TAB2: variants seen among roughly 807,000 people sequenced by gnomAD.
TAB2 encodes TGF-beta activated kinase 1 (MAP3K7) binding protein 2.
A neutral mutation model predicts 65.0 loss-of-function variants in TAB2; 3 were observed. The ratio of observed to expected loss-of-function variants is 0.05; its 90% CI spans 0.02 to 0.12. TAB2 has a LOEUF of 0.12. TAB2 is among the 10% of genes least tolerant of loss of function. The probability of loss-of-function intolerance (pLI) is 1.00; values close to 1 mark genes in which losing one functional copy is unlikely to be tolerated. For synonymous variants in TAB2, 298 were observed against 285.1 expected, an observed-to-expected ratio of 1.05 and a Z score of -0.46; for missense variants, 623 against 840.3, an observed-to-expected ratio of 0.74 and a Z score of 3.20.
rs532770730 is a variant in TAB2 at position 149,319,516 on chromosome 6, AGTTT to A, written c.-90+1502_-90+1505del. ...CTATAGGCTAAATTAGGGTACAGTT[AGTTT>A]AAGGATTCTGCTGCTTTAAAAAAAC... On this transcript the variant is annotated intron_variant, in intron 1 of 6. Transcript: ENST00000637181. 2.4e-3 allele frequency among the ~76,000 whole-genome samples: 360 copies of A among 152,354 alleles called. 2 individuals carry two copies. Among genetic ancestry groups the A allele is most frequent in the African/African-American group, 8.4e-3 (349 of 41,572 alleles).
intron 1 of TAB2, among the ~76,000 whole-genome samples, chr6:149,227,389 G>C (rs1777303618): frequency 6.6e-6 from 1 of 152,122 alleles, no homozygotes; most frequent in Non-Finnish European, 1.5e-5. Flanking sequence ...TGAAAAATCT[G>C]ACCCCTTGAT....
At chr6:149,401,171 TG>T (rs1782395931) in intron 6 of TAB2, 1 of 167,236 alleles carries the variant, frequency 6.0e-6, no homozygotes, top group African/African-American at 2.4e-5. Flanking sequence ...TAGGGCAATC[TG>T]TCTTTAAGTA....
intron 1 of TAB2, among the ~76,000 whole-genome samples, chr6:149,234,473 T>C (rs1296009686): frequency 6.6e-6 from 1 of 152,112 alleles, no homozygotes; most frequent in African/African-American, 2.4e-5. Flanking sequence ...CACTGCCATC[T>C]TGTATGTATT....
At chr6:149,253,207 G>A (rs966704914) in intron 1 of TAB2, 1 of 152,174 alleles carries the variant, frequency 6.6e-6, no homozygotes, top group East Asian at 1.9e-4. Flanking sequence ...AGGCCCATTG[G>A]GGCCAATGAA....
intron 1 of TAB2, among the ~76,000 whole-genome samples, chr6:149,346,112 A>G (rs9498326): frequency 0.23 from 35,710 of 152,126 alleles, 4,394 homozygotes; most frequent in Non-Finnish European, 0.26. Flanking sequence ...GGATAGATGA[A>G]GAGAGGGAGG....
chr6:149,272,481 C>T (rs1368083661), intron 1 of TAB2, among the ~76,000 whole-genome samples: 1 of 152,198 alleles, frequency 6.6e-6, no homozygotes, highest in African/African-American at 2.4e-5. Context: ...TATTCCTTGG[C>T]TCATGGCCCC....
At chr6:149,336,812 G>C (rs1388372858) in intron 1 of TAB2, among the ~76,000 whole-genome samples, 1 of 152,060 alleles carries the variant, frequency 6.6e-6, no homozygotes, top group Non-Finnish European at 1.5e-5. Flanking sequence ...ATTCCTAAGG[G>C]TGTGGGGACT....
intron 1 of TAB2, chr6:149,243,207 C>A (rs1777635266): frequency 6.6e-6 from 1 of 152,230 alleles, no homozygotes. Context: ...TGAAAGACTG[C>A]CAGCACGGCC....
chr6:149,246,213 G>T (rs531591801), intron 1 of TAB2: 1 of 152,276 alleles, frequency 6.6e-6, no homozygotes, highest in African/African-American at 2.4e-5. Context: ...CACCACGCCC[G>T]GCCGGTTATT....
chr6:149,241,696 C>T (rs1777600859), intron 1 of TAB2, among the ~76,000 whole-genome samples: 2 of 152,118 alleles, frequency 1.3e-5, no homozygotes, highest in South Asian at 4.1e-4. Context: ...AAATTAATTC[C>T]ATATTACGCT....
At chr6:149,281,098 T>TTCTTATTAA (rs1387239975) in intron 1 of TAB2, among the ~76,000 whole-genome samples, 4,489 of 152,132 alleles carry the variant, frequency 0.03, 232 homozygotes, top group African/African-American at 0.1. Context: ...GGTAAATATA[T>TTCTTATTAA]AGGATTTTTT....
At chr6:149,295,701 T>C (rs964028952) in intron 1 of TAB2, among the ~76,000 whole-genome samples, 12 of 152,152 alleles carry the variant, frequency 7.9e-5, no homozygotes, top group African/African-American at 2.9e-4. Context: ...CTTTTGGTAG[T>C]TACATTTGAT....
intron 1 of TAB2, among the ~76,000 whole-genome samples, chr6:149,348,723 G>T (rs1208086223): frequency 6.6e-6 from 1 of 151,902 alleles, no homozygotes; most frequent in East Asian, 1.9e-4. Flanking sequence ...CAGCACTTTG[G>T]AAGGACGAGG....
At chr6:149,234,922 C>A (rs1156950466) in intron 1 of TAB2, among the ~76,000 whole-genome samples, 1 of 147,262 alleles carries the variant, frequency 6.8e-6, no homozygotes, top group Non-Finnish European at 1.5e-5. Context: ...AAGAATAGAC[C>A]AAAAACAAAG....
At chr6:149,326,630 CT>C (rs1779629239) in intron 1 of TAB2, among the ~76,000 whole-genome samples, 2 of 151,778 alleles carry the variant, frequency 1.3e-5, no homozygotes, top group Admixed American at 1.3e-4. Flanking sequence ...TCACTGCAAC[CT>C]TTGCCTCCTG....
At chr6:149,323,493 A>G (rs1226432902) in intron 1 of TAB2, among the ~76,000 whole-genome samples, 1 of 152,128 alleles carries the variant, frequency 6.6e-6, no homozygotes. Context: ...TATGGATTAA[A>G]TAGCTTGGTC....
Position 149,299,774 on chromosome 6 carries a change from G to A in TAB2, c.-120-78244G>A, listed in dbSNP as rs541116177. The stretch of plus-strand genomic sequence containing the variant: ...ACCTGTAATCCCAACACTGGGAGGC[G>A]GGGGCAGGAGAATCACTTGAGACTA... On this transcript the variant is annotated intron_variant, in intron 1 of 1. Coordinates refer to the TAB2 transcript ENST00000606202. Among the ~76,000 whole-genome samples, 22 of 152,226 alleles carry A rather than the reference G, an allele frequency of 1.4e-4. No homozygotes were observed. The East Asian group carries it at 4.1e-3, about 28-fold the overall frequency.
rs952438587 is a variant in TAB2 at position 149,342,048 on chromosome 6, A to T, written c.-90+24033A>T. ...TTTTATATGGCCCTAACAAAAATTA[A>T]AAAAAAAAAAATCATTGAATCTATT... On this transcript the variant is annotated intron_variant, in intron 1 of 6. Coordinates refer to ENST00000637181, the MANE Select transcript of TAB2 (RefSeq NM_001292034.3). 2.2e-3 allele frequency among the ~76,000 whole-genome samples: 107 copies of T among 49,638 alleles called. 2 individuals are homozygous for T. Among genetic ancestry groups the T allele is most frequent in the East Asian group, 4.8e-3 (13 of 2,690 alleles). 32.6% of individuals were successfully genotyped at this position (49,638 alleles called of 152,430 possible). A position where few individuals can be genotyped will look rare whatever the true frequency, so the allele number is the denominator to read the frequency against.
intron 1 of TAB2, among the ~76,000 whole-genome samples, chr6:149,341,724 T>C (rs1780133518): frequency 2.0e-5 from 3 of 152,226 alleles, no homozygotes; most frequent in South Asian, 4.1e-4. Flanking sequence ...TTTTGCTGTT[T>C]ATATTGCTAG....
Sources: allele counts gnomAD v4.1 joint callset (sites outside exome capture counted in the v4.1 genomes callset), GRCh38; gene constraint gnomAD v4.1.1; transcripts MANE v1.5; gene names NCBI Gene and HGNC (gene_info 2026-07-23, HGNC 2026-07-21).